The following AP3S2 variants were observed in gnomAD, a reference collection of about 807,000 sequenced individuals.
The protein encoded by AP3S2 is adaptor related protein complex 3 subunit sigma 2.
AP3S2 carries 22 observed loss-of-function variants against 23.4 expected under a neutral mutation model. The ratio of observed to expected loss-of-function variants is 0.94; its 90% CI spans 0.67 to 1.34. The LOEUF (loss-of-function observed/expected upper bound fraction) is 1.34, where lower values mean the gene tolerates loss of function less well. Ranked by LOEUF, AP3S2 falls within the 40% of genes most tolerant of loss-of-function variation. AP3S2 has a pLI of 0.00. For missense variants in AP3S2, 241 were observed against 236.9 expected (o/e 1.02, Z -0.11); for synonymous variants, 86 against 87.1 (o/e 0.99, Z 0.07).
chr15:89,874,428 G>C (rs1896394325), intron 3 of AP3S2, among the ~76,000 whole-genome samples: 1 of 152,102 alleles, frequency 6.6e-6, no homozygotes, highest in South Asian at 2.1e-4. Flanking sequence ...TTTCACCTGG[G>C]TGCAGTCTTT....
intron 4 of AP3S2, among the ~76,000 whole-genome samples, chr15:89,843,047 C>T (rs535757803): frequency 2.1e-4 from 32 of 152,072 alleles, no homozygotes; most frequent in African/African-American, 6.3e-4. Flanking sequence ...TGCAATGGCG[C>T]GATCTCCGCT....
At chr15:89,857,104 C>T (rs61008105) in intron 4 of AP3S2, among the ~76,000 whole-genome samples, 2 of 151,984 alleles carry the variant, frequency 1.3e-5, no homozygotes, top group African/African-American at 2.4e-5. Context: ...ACTACAATAC[C>T]GAAGTTTAGA....
intron 3 of AP3S2, chr15:89,877,209 T>A: frequency 1.4e-6 from 1 of 730,124 alleles, no homozygotes; most frequent in Non-Finnish European, 2.2e-6. Context: ...ATGCTCAGTA[T>A]GAAAAGGCAA....
At chr15:89,843,079 G>C (rs908830901) in intron 4 of AP3S2, among the ~76,000 whole-genome samples, 3 of 146,634 alleles carry the variant, frequency 2.0e-5, no homozygotes, top group Non-Finnish European at 4.5e-5. Flanking sequence ...CTGCCTCCCC[G>C]GTTCAAGCGA....
intron 4 of AP3S2, among the ~76,000 whole-genome samples, chr15:89,859,850 G>A (rs1280887203): frequency 6.8e-6 from 1 of 146,248 alleles, no homozygotes. Flanking sequence ...TGCAAGCTCC[G>A]CCTCCAGGGT....
At chr15:89,849,078 A>C (rs1310760965) in intron 4 of AP3S2, 4 of 152,194 alleles carry the variant, frequency 2.6e-5, no homozygotes, top group Non-Finnish European at 5.9e-5. Flanking sequence ...AATTAGACTC[A>C]ATGACTGTTG....
chr15:89,837,303 T>G (rs1895217479), intron 5 of AP3S2, among the ~76,000 whole-genome samples: 1 of 152,082 alleles, frequency 6.6e-6, no homozygotes, highest in Non-Finnish European at 1.5e-5. Context: ...ACGAGTGGCT[T>G]TCAAAGGAGG....
chr15:89,876,897 G>A (rs1896455485), intron 3 of AP3S2: 1 of 188,770 alleles, frequency 5.3e-6, no homozygotes, highest in Non-Finnish European at 1.1e-5. Context: ...AGCTATGGCA[G>A]CTCAAATGGG....
chr15:89,872,695 C>G (rs1294177226), intron 3 of AP3S2, among the ~76,000 whole-genome samples: 2 of 152,214 alleles, frequency 1.3e-5, no homozygotes, highest in East Asian at 3.9e-4. Context: ...AGGCAAACCA[C>G]CCTGCAGCGG....
intron 4 of AP3S2, among the ~76,000 whole-genome samples, chr15:89,839,989 T>G (rs902595497): frequency 1.3e-5 from 2 of 152,148 alleles, no homozygotes; most frequent in Non-Finnish European, 2.9e-5. Context: ...ATTCCACTCC[T>G]GTGAGGTACC....
At chr15:89,886,320 G>A (rs1896700724) in intron 3 of AP3S2, among the ~76,000 whole-genome samples, 1 of 151,884 alleles carries the variant, frequency 6.6e-6, no homozygotes, top group Admixed American at 6.6e-5. Context: ...ACTCTAGACT[G>A]GCAACAGAGC....
intron 3 of AP3S2, among the ~76,000 whole-genome samples, chr15:89,880,691 C>G (rs1339938898): frequency 6.9e-6 from 1 of 145,884 alleles, no homozygotes; most frequent in African/African-American, 2.5e-5. Flanking sequence ...AAAAAAGAAA[C>G]AATAAATAAA....
In AP3S2 at chr15:89,889,975, A is replaced by C. The variant is rs537690745; in HGVS notation, c.70-835T>G. On this transcript the variant is annotated intron_variant, in intron 1 of 5. Transcript: ENST00000336418. ...TTTGTACTGGTAATATAGATACTAC[A>C]TATAAGATGCTGTGTTACTCACCAA... Among the ~76,000 whole-genome samples, 5 of 152,314 alleles carry C rather than the reference A, an allele frequency of 3.3e-5. No individual in the cohort carries two copies. In the East Asian group the frequency reaches 9.6e-4, roughly 29 times the overall value.
At chr15:89,878,638 G>A (rs1896497647) in intron 3 of AP3S2, among the ~76,000 whole-genome samples, 1 of 152,122 alleles carries the variant, frequency 6.6e-6, no homozygotes, top group Non-Finnish European at 1.5e-5. Flanking sequence ...ATAGCTCACT[G>A]CAGCCCTGAT....
intron 4 of AP3S2, among the ~76,000 whole-genome samples, chr15:89,857,290 T>G (rs1895864198): frequency 6.6e-6 from 1 of 152,204 alleles, no homozygotes; most frequent in Non-Finnish European, 1.5e-5. Flanking sequence ...TTTATGAGCT[T>G]CTTACAGGTA....
chr15:89,851,204 A>C (rs985937087), intron 4 of AP3S2, among the ~76,000 whole-genome samples: 6 of 152,190 alleles, frequency 3.9e-5, no homozygotes, highest in African/African-American at 1.2e-4. Flanking sequence ...CCATGACCCA[A>C]GTACAAAGTA....
At chr15:89,867,951 G>C (rs111483756) in intron 4 of AP3S2, among the ~76,000 whole-genome samples, 1 of 147,952 alleles carries the variant, frequency 6.8e-6, no homozygotes, top group South Asian at 2.2e-4. Flanking sequence ...CCGGCCAGCC[G>C]CCCCATCCGG....
intron 3 of AP3S2, among the ~76,000 whole-genome samples, chr15:89,881,350 AT>A (rs1896565826): frequency 1.3e-5 from 2 of 152,214 alleles, no homozygotes; most frequent in Non-Finnish European, 2.9e-5. Context: ...AAAATGGATT[AT>A]TTACACTTAA....
intron 4 of AP3S2, among the ~76,000 whole-genome samples, chr15:89,864,214 C>T (rs1896067493): frequency 6.6e-6 from 1 of 152,112 alleles, no homozygotes; most frequent in Non-Finnish European, 1.5e-5. Flanking sequence ...CCTTTTATTT[C>T]CTTCTAAAAG....
Sources: gnomAD v4.1 joint callset for allele counts (sites outside exome capture counted in the v4.1 genomes callset) on GRCh38, gnomAD v4.1.1 for gene constraint, MANE v1.5 for transcripts, NCBI Gene and HGNC (gene_info 2026-07-23, HGNC 2026-07-21) for gene names.